Variants in ROBO2 observed in about 807,000 individuals in gnomAD.
ROBO2 encodes roundabout guidance receptor 2.
Under a neutral mutation model 160.8 loss-of-function variants are expected in ROBO2, and 53 were observed. The observed-to-expected ratio is 0.33, with a 90% CI of 0.26 to 0.41. The LOEUF is 0.41. ROBO2 is among the 10% of genes least tolerant of loss of function. ROBO2 has a pLI of 1.00. For missense variants in ROBO2, 1,577 were observed against 1,722.4 expected (o/e 0.92, Z 1.49); for synonymous variants, 664 against 611.7 (o/e 1.09, Z -1.26).
intron 2 of ROBO2, among the ~76,000 whole-genome samples, chr3:77,120,224 A>T (rs1344424431): frequency 6.6e-6 from 1 of 152,178 alleles, no homozygotes; most frequent in Non-Finnish European, 1.5e-5. Context: ...CGGCATGAAC[A>T]TTTGTCCTAC....
chr3:76,158,051 T>C (rs1431059578), intron 2 of ROBO2, among the ~76,000 whole-genome samples: 1 of 152,144 alleles, frequency 6.6e-6, no homozygotes, highest in African/African-American at 2.4e-5. Context: ...TCTCAGGAAG[T>C]TGGGAACCAA....
At chr3:76,710,665 C>G (rs267167) in intron 2 of ROBO2, among the ~76,000 whole-genome samples, 71,174 of 151,838 alleles carry the variant, frequency 0.47, 17,121 homozygotes, top group Non-Finnish European at 0.53. Flanking sequence ...ATCTGGGCTT[C>G]GTGGGAAAAG....
At chr3:77,463,672 C>T (rs1040420929) in intron 2 of ROBO2, among the ~76,000 whole-genome samples, 1 of 152,164 alleles carries the variant, frequency 6.6e-6, no homozygotes, top group African/African-American at 2.4e-5. Context: ...CCTTGACCAC[C>T]TGGGCTCAAG....
Position 76,472,112 on chromosome 3 carries a change from T to TGTGC in ROBO2, c.109+534511_109+534512insTGCG, listed in dbSNP as rs1439741399. ...GTGTGTGTGTGTGTGCGCGTGTGCG[T>TGTGC]GCGCATGTGTATCACTTCTTCCATA... On this transcript the variant is annotated intron_variant, in intron 2 of 26. Coordinates refer to the ROBO2 transcript ENST00000487694. Among the ~76,000 whole-genome samples, 209 of 84,512 alleles carry TGTGC rather than the reference T, an allele frequency of 2.5e-3. 1 individual carries two copies. Among genetic ancestry groups the TGTGC allele is most frequent in the African/African-American group, 5.9e-3 (189 of 31,908 alleles). The allele number at this position is 84,512 out of a possible 152,430, so 55.4% of individuals were successfully genotyped here.
At chr3:77,205,282 C>G (rs535472605) in intron 2 of ROBO2, among the ~76,000 whole-genome samples, 3 of 152,082 alleles carry the variant, frequency 2.0e-5, no homozygotes, top group Non-Finnish European at 2.9e-5. Context: ...CAGTGGGGAG[C>G]TGGGCGGGGG....
chr3:77,521,046 T>G (rs2090541538), intron 5 of ROBO2, among the ~76,000 whole-genome samples: 1 of 151,306 alleles, frequency 6.6e-6, no homozygotes, highest in Non-Finnish European at 1.5e-5. Flanking sequence ...TAGTGTTTCT[T>G]GAGCTCCTAG....
chr3:76,379,656 A>G (rs2076521559), intron 2 of ROBO2, among the ~76,000 whole-genome samples: 2 of 152,226 alleles, frequency 1.3e-5, no homozygotes, highest in Non-Finnish European at 1.5e-5. Context: ...AAGATAAAAT[A>G]TGCAAAATAT....
Position 77,614,761 on chromosome 3 carries a change from A to C in ROBO2, c.3294-2752A>C, listed in dbSNP as rs1285346010. Among the ~76,000 whole-genome samples the C allele has an allele frequency of 5.9e-5, 9 of 152,126 alleles. No individual in the cohort carries two copies. In the East Asian group the frequency reaches 1.2e-3, roughly 20 times the overall value. ...ACCAACCAACCAACCAACCAAACAA[A>C]CAAACAAACAAAAACCCTTTCTGTA... On this transcript the variant is annotated intron_variant, in intron 21 of 25. Coordinates refer to ENST00000461745, the Ensembl canonical transcript of ROBO2.
intron 2 of ROBO2, among the ~76,000 whole-genome samples, chr3:76,926,289 A>G (rs1372282684): frequency 6.6e-6 from 1 of 152,198 alleles, no homozygotes; most frequent in East Asian, 1.9e-4. Flanking sequence ...CCTTTTACAT[A>G]AAAGCGTGAC....
intron 2 of ROBO2, among the ~76,000 whole-genome samples, chr3:77,189,051 C>T (rs115019501): frequency 0.013 from 1,937 of 150,892 alleles, 42 homozygotes; most frequent in African/African-American, 0.044. Flanking sequence ...ATATAAAATA[C>T]GTGTTTAAGT....
At chr3:75,957,535 T>C (rs1465314371) in intron 2 of ROBO2, among the ~76,000 whole-genome samples, 1 of 151,512 alleles carries the variant, frequency 6.6e-6, no homozygotes, top group Non-Finnish European at 1.5e-5. Flanking sequence ...TACTTCAGTA[T>C]CCACTTTAAA....
intron 5 of ROBO2, among the ~76,000 whole-genome samples, chr3:77,514,893 G>A (rs1167837175): frequency 1.3e-5 from 2 of 151,648 alleles, no homozygotes; most frequent in African/African-American, 4.8e-5. Flanking sequence ...GCAAATTATT[G>A]TCTTAGGGAA....
intron 15 of ROBO2, among the ~76,000 whole-genome samples, chr3:77,579,429 C>G (rs879617361): frequency 8.5e-5 from 13 of 152,108 alleles, no homozygotes; most frequent in Non-Finnish European, 1.2e-4. Context: ...ATCTTGTTAA[C>G]TACTTCTGTG....
At chr3:76,171,245 C>G (rs963621839) in intron 2 of ROBO2, among the ~76,000 whole-genome samples, 1 of 151,926 alleles carries the variant, frequency 6.6e-6, no homozygotes, top group Non-Finnish European at 1.5e-5. Context: ...AGTAAGCCCA[C>G]CGTAGCTTCT....
At chr3:76,079,064 ATC>A (rs1284377484) in intron 2 of ROBO2, among the ~76,000 whole-genome samples, 3 of 152,238 alleles carry the variant, frequency 2.0e-5, no homozygotes, top group Non-Finnish European at 4.4e-5. Context: ...AATGACCAAT[ATC>A]TCATGTTTTC....
At chr3:76,141,109 C>A (rs1456693145) in intron 2 of ROBO2, among the ~76,000 whole-genome samples, 3 of 46,482 alleles carry the variant, frequency 6.5e-5, no homozygotes, top group African/African-American at 1.5e-4. Context: ...TAGGTATGAG[C>A]TACCATGCTC....
chr3:77,308,199 G>A (rs1189418168), intron 2 of ROBO2, among the ~76,000 whole-genome samples: 1 of 151,526 alleles, frequency 6.6e-6, no homozygotes, highest in South Asian at 2.1e-4. Flanking sequence ...TTTGGAAAAT[G>A]CGGCAATCGT....
At chr3:77,628,678 A>G (rs1235298943) in intron 23 of ROBO2, among the ~76,000 whole-genome samples, 2 of 152,192 alleles carry the variant, frequency 1.3e-5, no homozygotes, top group Non-Finnish European at 2.9e-5. Flanking sequence ...ATACATCTTA[A>G]CCAAACTGTA....
At chr3:77,575,634 A>T (rs1295852075) in intron 14 of ROBO2, among the ~76,000 whole-genome samples, 6 of 152,136 alleles carry the variant, frequency 3.9e-5, no homozygotes, top group African/African-American at 1.2e-4. Context: ...ATGCATATTC[A>T]AAAAGGCATC....
Sources: allele counts gnomAD v4.1 joint callset (sites outside exome capture counted in the v4.1 genomes callset), GRCh38; gene constraint gnomAD v4.1.1; transcripts MANE v1.5; gene names NCBI Gene and HGNC (gene_info 2026-07-23, HGNC 2026-07-21).